The following DNAJB6 variants were observed in gnomAD, a reference collection of about 807,000 sequenced individuals.
DNAJB6 encodes DnaJ heat shock protein family (Hsp40) member B6, also known as dnaJ homolog subfamily B member 6.
Under a neutral mutation model 42.7 loss-of-function variants are expected in DNAJB6, and 16 were observed. The ratio of observed to expected loss-of-function variants is 0.37; its 90% CI spans 0.25 to 0.57. The LOEUF is 0.57. Ranked by LOEUF, DNAJB6 falls within the 20% of genes least tolerant of loss-of-function variation. The probability of loss-of-function intolerance (pLI) is 0.74; values close to 1 mark genes in which losing one functional copy is unlikely to be tolerated. For synonymous variants in DNAJB6, 170 were observed against 163.5 expected (o/e 1.04, Z -0.30); for missense variants, 347 against 416.8 (o/e 0.83, Z 1.46).
intron 8 of DNAJB6, among the ~76,000 whole-genome samples, chr7:157,407,621 G>A (rs1795820212): frequency 6.6e-6 from 1 of 152,108 alleles, no homozygotes; most frequent in Non-Finnish European, 1.5e-5. Context: ...GAGCACCTGT[G>A]CTGAGTCTCT....
chr7:157,357,288 GTCCTTCCT>G (rs71717756), intron 1 of DNAJB6, among the ~76,000 whole-genome samples: 1,103 of 32,178 alleles, frequency 0.034, 281 homozygotes, highest in Non-Finnish European at 0.048. Flanking sequence ...CCTTCCTTCC[GTCCTTCCT>G]TCCTTCCTTC....
At chr7:157,404,294 TC>T (rs1795663089) in intron 8 of DNAJB6, among the ~76,000 whole-genome samples, 1 of 148,864 alleles carries the variant, frequency 6.7e-6, no homozygotes, top group Non-Finnish European at 1.5e-5. Context: ...GTTTTTTTTT[TC>T]TTTTTCTTTT....
chr7:157,344,907 C>T (rs1400965054), intron 1 of DNAJB6, among the ~76,000 whole-genome samples: 1 of 152,160 alleles, frequency 6.6e-6, no homozygotes, highest in African/African-American at 2.4e-5. Context: ...GCTACTGTAC[C>T]CAGCTGTGAT....
At position 157,416,221 on chromosome 7, in the gene DNAJB6, GC is replaced by G; in HGVS notation, c.*124del. The G allele has an allele frequency of 7.0e-7, 1 of 1,435,324 alleles. No homozygotes were observed. 88.9% of individuals were successfully genotyped at this position (1,435,324 alleles called of 1,614,324 possible). ...ACTGTCTCGAGGCCACACTCGCTCG[GC>G]AGGATTATGCGATCACGGATCAGTC... is the stretch of plus-strand genomic sequence containing the variant. On this transcript the variant is annotated 3_prime_UTR_variant, in exon 10 of 10. Transcript: ENST00000262177.
chr7:157,395,198 C>T (rs565598750), intron 8 of DNAJB6, among the ~76,000 whole-genome samples: 17 of 152,114 alleles, frequency 1.1e-4, no homozygotes, highest in South Asian at 8.3e-4. Context: ...GAGAGCACTA[C>T]GTTTAATGGG....
At chr7:157,403,464 CTTTT>C (rs371764824) in intron 8 of DNAJB6, among the ~76,000 whole-genome samples, 1 of 152,094 alleles carries the variant, frequency 6.6e-6, no homozygotes, top group Non-Finnish European at 1.5e-5. Flanking sequence ...AGGTGTGTGG[CTTTT>C]TTGTTTGTTT....
In DNAJB6 at chr7:157,406,855, A is replaced by C. The variant is rs539785170; in HGVS notation, c.692-2940A>C. Among the ~76,000 whole-genome samples the C allele has an allele frequency of 4.6e-5, 7 of 152,362 alleles. No homozygotes were observed. The East Asian group carries it at 1.4e-3, about 29-fold the overall frequency. On this transcript the variant is annotated intron_variant, in intron 8 of 9. Coordinates refer to ENST00000262177, the MANE Select transcript of DNAJB6 (RefSeq NM_058246.4). ...GTCTCAGCGGGGCCTTTTTCTAAAC[A>C]GACGGTAAATGCAAAACCTCCCCCA...
intron 8 of DNAJB6, among the ~76,000 whole-genome samples, chr7:157,400,460 C>T (rs947211500): frequency 6.6e-6 from 1 of 152,198 alleles, no homozygotes; most frequent in African/African-American, 2.4e-5. Context: ...GTGTGGCCGT[C>T]GGCTCCATCC....
At chr7:157,392,099 CAAAAAAAAAA>C (rs57861175) in intron 8 of DNAJB6, among the ~76,000 whole-genome samples, 1 of 112,246 alleles carries the variant, frequency 8.9e-6, no homozygotes, top group Non-Finnish European at 1.8e-5. Flanking sequence ...GACCCTGTCT[CAAAAAAAAAA>C]AAAAAAAAGG....
chr7:157,369,881 A>AGGCCCCTTCTCAACATTATTATTAAACG (rs1563128445), intron 5 of DNAJB6, among the ~76,000 whole-genome samples: 4 of 148,690 alleles, frequency 2.7e-5, no homozygotes, highest in African/African-American at 1.0e-4. Context: ...ATTATTAAAC[A>AGGCCCCTTCTCAACATTATTATTAAACG]GGCCCCTTCT....
intron 9 of DNAJB6, chr7:157,414,493 C>T (rs1796061234): frequency 6.6e-6 from 1 of 152,298 alleles, no homozygotes; most frequent in Non-Finnish European, 1.5e-5. Flanking sequence ...TCAGCGGCCT[C>T]TGCAGCCGCC....
intron 4 of DNAJB6, among the ~76,000 whole-genome samples, 185 bp from the exon 5 acceptor site, chr7:157,367,188 C>G (rs988940059): frequency 4.6e-5 from 7 of 152,354 alleles, no homozygotes; most frequent in African/African-American, 1.7e-4. Flanking sequence ...CATATGCCAT[C>G]AGCGCTGGGC....
chr7:157,391,971 C>T lies in DNAJB6; in HGVS notation c.691+6360C>T, dbSNP rs540497958. 2.3e-4 allele frequency among the ~76,000 whole-genome samples: 35 copies of T among 151,858 alleles called. No individual in the cohort carries two copies. In the South Asian group the frequency reaches 3.3e-3, roughly 14 times the overall value. On this transcript the variant is annotated intron_variant, in intron 8 of 9. Coordinates refer to ENST00000262177, the MANE Select transcript of DNAJB6 (RefSeq NM_058246.4). ...TATGAAAATTAGCTGGGCTTGGTGG[C>T]GTGCGCTTGTAGTCCCAGATACTCA... is the stretch of plus-strand genomic sequence containing the variant.
At chr7:157,352,460 A>T (rs1228967684) in intron 1 of DNAJB6, among the ~76,000 whole-genome samples, 1 of 151,834 alleles carries the variant, frequency 6.6e-6, no homozygotes, top group African/African-American at 2.4e-5. Flanking sequence ...CTGAATATTT[A>T]TTCAGTTGAA....
chr7:157,358,507 C>A, intron 1 of DNAJB6, 40 bp from the exon 2 acceptor site: 1 of 1,377,656 alleles, frequency 7.3e-7, no homozygotes, highest in South Asian at 1.2e-5. Context: ...TTTGCCCATC[C>A]CCAGCAGCCT....
At position 157,369,439 on chromosome 7, in the gene DNAJB6, C is replaced by A. The variant is rs187320142; in HGVS notation, c.346+1956C>A. 1.3e-3 allele frequency: 585 copies of A among 456,380 alleles called. 1 individual carries two copies. The highest frequency in any genetic ancestry group is 2.3e-3 in the Admixed American group (97 of 42,562). The allele number at this position is 456,380 out of a possible 1,614,324, so 28.3% of individuals were successfully genotyped here. A position where few individuals can be genotyped will look rare whatever the true frequency, so the allele number is the denominator to read the frequency against. On this transcript the variant is annotated intron_variant, in intron 5 of 9. Coordinates refer to ENST00000262177, the MANE Select transcript of DNAJB6 (RefSeq NM_058246.4). ...GACCAAGCGAGGAAGAAGGCCCGCT[C>A]TTCCAACACCATGGCTTCTCTTCTG...
In DNAJB6 at chr7:157,385,041, T is replaced by G. The variant is rs374628150; in HGVS notation, c.620+33T>G. 30 of 1,603,212 alleles carry G rather than the reference T, an allele frequency of 1.9e-5. No individual in the cohort carries two copies. In the African/African-American group the frequency reaches 3.9e-4, roughly 21 times the overall value. ...GGTATTCTGCATTTTATATTTTTAG[T>G]AAGCAGGCGTAACGTTTCACTGGTG... is the stretch of plus-strand genomic sequence containing the variant. On this transcript the variant is annotated intron_variant, in intron 7 of 9. Transcript: ENST00000262177.
intron 1 of DNAJB6, chr7:157,339,811 G>A (rs770824976): frequency 6.6e-6 from 1 of 152,286 alleles, no homozygotes; most frequent in Non-Finnish European, 1.5e-5. Context: ...ATTTTTATTA[G>A]AGACGAGGTT....
In DNAJB6 at chr7:157,404,399, C is replaced by G. The variant is rs143914853; in HGVS notation, c.692-5396C>G. Among the ~76,000 whole-genome samples, 936 of 150,038 alleles carry G rather than the reference C, an allele frequency of 6.2e-3. 7 individuals are homozygous for G. Among genetic ancestry groups the G allele is most frequent in the African/African-American group, 0.02 (826 of 40,586 alleles). The stretch of plus-strand genomic sequence containing the variant: ...TTGAACCCCCTCGGCTCAAGTAATT[C>G]TCCCACCTCAGCCTCCAGAGCGGCT... On this transcript the variant is annotated intron_variant, in intron 8 of 9. Coordinates refer to ENST00000262177, the MANE Select transcript of DNAJB6 (RefSeq NM_058246.4).
Sources: allele counts gnomAD v4.1 joint callset (sites outside exome capture counted in the v4.1 genomes callset), GRCh38; gene constraint gnomAD v4.1.1; transcripts MANE v1.5; gene names NCBI Gene and HGNC (gene_info 2026-07-23, HGNC 2026-07-21).